LRMDA: variants seen among roughly 807,000 people sequenced by gnomAD.
LRMDA encodes leucine-rich melanocyte differentiation-associated protein.
LRMDA carries 18 observed loss-of-function variants against 29.8 expected under a neutral mutation model. That is an observed-to-expected ratio of 0.60 (90% CI 0.42 to 0.90). LRMDA has a LOEUF of 0.90. Ranked by LOEUF, LRMDA falls within the 40% of genes least tolerant of loss-of-function variation. The pLI, the probability that LRMDA is intolerant of heterozygous loss-of-function variation, is 0.00. For synonymous variants in LRMDA, 125 were observed against 109.4 expected (o/e 1.14, Z -0.89); for missense variants, 273 against 273.9 (o/e 1.00, Z 0.02).
chr10:76,046,712 G>C (rs1035455160), intron 3 of LRMDA, among the ~76,000 whole-genome samples: 2 of 152,236 alleles, frequency 1.3e-5, no homozygotes, highest in Admixed American at 6.5e-5. Flanking sequence ...TCAAACTCCT[G>C]ACCTCAAATG....
At chr10:76,069,517 A>G (rs1264122944) in intron 5 of LRMDA, among the ~76,000 whole-genome samples, 2 of 152,180 alleles carry the variant, frequency 1.3e-5, no homozygotes, top group African/African-American at 4.8e-5. Context: ...ATATGGCAGT[A>G]AATTTTGAGC....
intron 2 of LRMDA, among the ~76,000 whole-genome samples, chr10:75,973,652 T>G (rs1366469168): frequency 6.6e-6 from 1 of 152,176 alleles, no homozygotes; most frequent in African/African-American, 2.4e-5. Flanking sequence ...ATTCCTGACC[T>G]CAGGTGATCC....
intron 6 of LRMDA, among the ~76,000 whole-genome samples, chr10:76,355,280 A>T (rs890027272): frequency 5.3e-5 from 8 of 152,168 alleles, no homozygotes; most frequent in Non-Finnish European, 2.9e-5. Context: ...TTGTACTGGA[A>T]CTGTCAGAGA....
intron 6 of LRMDA, among the ~76,000 whole-genome samples, chr10:76,367,067 G>T (rs4746388): frequency 6.6e-6 from 1 of 152,058 alleles, no homozygotes; most frequent in African/African-American, 2.4e-5. Flanking sequence ...ATTGACTTGC[G>T]TATGTTAAAC....
intron 2 of LRMDA, among the ~76,000 whole-genome samples, chr10:75,678,771 C>T (rs916136355): frequency 2.6e-5 from 4 of 152,132 alleles, no homozygotes; most frequent in African/African-American, 9.7e-5. Flanking sequence ...TCAAAATTAG[C>T]TTTTTGTAGT....
intron 2 of LRMDA, among the ~76,000 whole-genome samples, chr10:75,868,663 T>C (rs1442069941): frequency 6.6e-6 from 1 of 152,244 alleles, no homozygotes; most frequent in Non-Finnish European, 1.5e-5. Flanking sequence ...GGCTGGGCAT[T>C]CCTGAGCCTC....
At chr10:76,145,683 T>G (rs1244852799) in intron 5 of LRMDA, among the ~76,000 whole-genome samples, 2 of 152,102 alleles carry the variant, frequency 1.3e-5, no homozygotes, top group East Asian at 3.9e-4. Flanking sequence ...TTTGTGTCTC[T>G]ATTTCCTTCA....
At chr10:75,950,963 C>T (rs1846563950) in intron 2 of LRMDA, among the ~76,000 whole-genome samples, 2 of 152,188 alleles carry the variant, frequency 1.3e-5, no homozygotes, top group Admixed American at 1.3e-4. Flanking sequence ...ATCCATGTGC[C>T]ACCACTTCCT....
At chr10:76,261,008 A>C (rs1839934524) in intron 5 of LRMDA, 1 of 152,096 alleles carries the variant, frequency 6.6e-6, no homozygotes, top group African/African-American at 2.4e-5. Context: ...ATAGTTCAAG[A>C]CAAAATTTCA....
intron 5 of LRMDA, among the ~76,000 whole-genome samples, chr10:76,264,337 G>T (rs1839977985): frequency 7.4e-6 from 1 of 135,420 alleles, no homozygotes; most frequent in South Asian, 2.5e-4. Flanking sequence ...AACCCAGGAG[G>T]CAGAGGTTGC....
chr10:76,081,273 C>T (rs1849044695), intron 5 of LRMDA, among the ~76,000 whole-genome samples: 1 of 152,038 alleles, frequency 6.6e-6, no homozygotes, highest in African/African-American at 2.4e-5. Flanking sequence ...CCCAGGAGTT[C>T]AAGAAAAGCC....
intron 6 of LRMDA, among the ~76,000 whole-genome samples, chr10:76,410,394 A>C (rs919519768): frequency 2.0e-4 from 27 of 138,106 alleles, no homozygotes; most frequent in African/African-American, 6.6e-4. Flanking sequence ...CTGCAGTATC[A>C]ACCTCTTGGT....
At chr10:75,749,466 A>G (rs1447460430) in intron 2 of LRMDA, among the ~76,000 whole-genome samples, 6 of 152,250 alleles carry the variant, frequency 3.9e-5, no homozygotes, top group East Asian at 3.9e-4. Context: ...GTATATGTAC[A>G]TACACACACA....
At chr10:75,889,303 C>T (rs1202386985) in intron 2 of LRMDA, among the ~76,000 whole-genome samples, 1 of 152,132 alleles carries the variant, frequency 6.6e-6, no homozygotes, top group Non-Finnish European at 1.5e-5. Context: ...TTAGAACCAC[C>T]TTTAGGAACA....
chr10:75,884,676 G>A (rs929119742), intron 2 of LRMDA, among the ~76,000 whole-genome samples: 1 of 152,200 alleles, frequency 6.6e-6, no homozygotes, highest in African/African-American at 2.4e-5. Flanking sequence ...GCAATGCAGG[G>A]CCTGACAGTA....
At chr10:75,448,022 C>G (rs868260847) in intron 2 of LRMDA, among the ~76,000 whole-genome samples, 11 of 152,120 alleles carry the variant, frequency 7.2e-5, no homozygotes, top group African/African-American at 2.7e-4. Flanking sequence ...GGATTTCTAC[C>G]CAGAGAAAAT....
chr10:76,035,759 A>G (rs1361359566), intron 2 of LRMDA, among the ~76,000 whole-genome samples: 2 of 152,146 alleles, frequency 1.3e-5, no homozygotes, highest in Non-Finnish European at 1.5e-5. Flanking sequence ...GATCCTGGCT[A>G]CTCACTAAGT....
chr10:76,291,189 C>T (rs1840336032), intron 5 of LRMDA, among the ~76,000 whole-genome samples: 1 of 152,176 alleles, frequency 6.6e-6, no homozygotes, highest in Non-Finnish European at 1.5e-5. Context: ...ACAATTTCTA[C>T]TTGTCTGTCT....
At chr10:75,997,806 T>C (rs946545574) in intron 2 of LRMDA, among the ~76,000 whole-genome samples, 4 of 152,182 alleles carry the variant, frequency 2.6e-5, no homozygotes, top group Admixed American at 2.6e-4. Context: ...CCTATTTGAC[T>C]GTGGTTTGTG....
Sources: gnomAD v4.1 joint callset for allele counts (sites outside exome capture counted in the v4.1 genomes callset) on GRCh38, gnomAD v4.1.1 for gene constraint, MANE v1.5 for transcripts, NCBI Gene and HGNC (gene_info 2026-07-23, HGNC 2026-07-21) for gene names.